RAB3B: variants seen among roughly 807,000 people sequenced by gnomAD.
RAB3B encodes RAB3B, member RAS oncogene family, also known as ras-related protein Rab-3B.
A neutral mutation model predicts 20.5 loss-of-function variants in RAB3B; 11 were observed. That is an observed-to-expected ratio of 0.54 (90% confidence interval 0.34 to 0.89). The LOEUF is 0.89. RAB3B is among the 40% of genes least tolerant of loss of function. RAB3B has a pLI of 0.02. For missense variants in RAB3B, 225 were observed against 280.9 expected (o/e 0.80, Z 1.42); for synonymous variants, 99 against 106.3 (o/e 0.93, Z 0.42).
intron 4 of RAB3B, among the ~76,000 whole-genome samples, chr1:51,931,292 A>C (rs1409065118): frequency 1.3e-5 from 2 of 151,954 alleles, no homozygotes; most frequent in Non-Finnish European, 2.9e-5. Context: ...ACTTATCTTC[A>C]AGACTCCACT....
chr1:51,950,561 A>C (rs1684624501), intron 2 of RAB3B, among the ~76,000 whole-genome samples: 1 of 150,630 alleles, frequency 6.6e-6, no homozygotes, highest in Admixed American at 6.7e-5. Context: ...GAGCTCATAC[A>C]TATCACCTCC....
At chr1:51,939,715 C>G (rs922382885) in intron 2 of RAB3B, among the ~76,000 whole-genome samples, 1 of 152,202 alleles carries the variant, frequency 6.6e-6, no homozygotes. Flanking sequence ...ACTGGGACCA[C>G]AGGCATGTGC....
intron 1 of RAB3B, among the ~76,000 whole-genome samples, chr1:51,985,972 G>A (rs1198441088): frequency 6.6e-6 from 1 of 152,040 alleles, no homozygotes; most frequent in Non-Finnish European, 1.5e-5. Flanking sequence ...GGTTTGACGG[G>A]ATTAAGGAAA....
At chr1:51,963,827 C>A (rs1684813617) in intron 2 of RAB3B, among the ~76,000 whole-genome samples, 1 of 152,206 alleles carries the variant, frequency 6.6e-6, no homozygotes, top group Non-Finnish European at 1.5e-5. Flanking sequence ...CAAGGACTCA[C>A]CCTCTGCATG....
chr1:51,950,535 T>C (rs931681091), intron 2 of RAB3B, among the ~76,000 whole-genome samples: 13 of 152,244 alleles, frequency 8.5e-5, no homozygotes, highest in Admixed American at 8.5e-4. Context: ...TCAGGATTGG[T>C]TGGAATAGGG....
chr1:51,973,952 T>C (rs1448524769), intron 2 of RAB3B, among the ~76,000 whole-genome samples: 1 of 152,226 alleles, frequency 6.6e-6, no homozygotes, highest in Non-Finnish European at 1.5e-5. Flanking sequence ...AAATATCTTA[T>C]GTTCAAAGAT....
chr1:51,972,789 T>C (rs1684955971), intron 2 of RAB3B, among the ~76,000 whole-genome samples: 2 of 152,162 alleles, frequency 1.3e-5, no homozygotes, highest in Admixed American at 1.3e-4. Context: ...CTCCAGACTG[T>C]GAGAAAATTA....
intron 2 of RAB3B, among the ~76,000 whole-genome samples, chr1:51,967,710 G>C (rs1684876467): frequency 6.6e-6 from 1 of 150,864 alleles, no homozygotes; most frequent in African/African-American, 2.4e-5. Flanking sequence ...TTTTTGTAGA[G>C]ACAAGGTCTC....
At chr1:51,934,803 T>C (rs1684375252) in intron 3 of RAB3B, among the ~76,000 whole-genome samples, 1 of 151,608 alleles carries the variant, frequency 6.6e-6, no homozygotes, top group Non-Finnish European at 1.5e-5. Context: ...AAAAAACCTT[T>C]TCAAATTTCT....
At chr1:51,934,320 T>G (rs1196882106) in intron 3 of RAB3B, among the ~76,000 whole-genome samples, 27 of 152,268 alleles carry the variant, frequency 1.8e-4, no homozygotes, top group African/African-American at 6.3e-4. Context: ...CACAACACCT[T>G]GAGGGGAGCC....
At chr1:51,974,839 AC>A (rs1479145833) in intron 2 of RAB3B, among the ~76,000 whole-genome samples, 2 of 152,260 alleles carry the variant, frequency 1.3e-5, no homozygotes, top group African/African-American at 4.8e-5. Flanking sequence ...AAAGAAAAGT[AC>A]TACATACAGA....
intron 2 of RAB3B, among the ~76,000 whole-genome samples, chr1:51,971,244 A>G (rs1684929461): frequency 6.6e-6 from 1 of 151,876 alleles, no homozygotes; most frequent in Non-Finnish European, 1.5e-5. Flanking sequence ...CCAAAAAAAA[A>G]AAAATCACAA....
Position 51,920,096 on chromosome 1 carries a change from G to A in RAB3B, c.491C>T (p.Ala164Val). The A allele has an allele frequency of 6.2e-7, 1 of 1,609,858 alleles. No individual in the cohort carries two copies. The highest frequency in any genetic ancestry group is 8.5e-7 in the Non-Finnish European group (1 of 1,177,104). Residue 164 changes from alanine (A) to valine (V), a missense_variant, in exon 5 of 5, where the codon GCC becomes GTC. By Grantham distance (64) the Ala-to-Val change is moderately conservative (BLOSUM62 0). Coordinates refer to ENST00000371655, the MANE Select transcript of RAB3B (RefSeq NM_002867.4). ...TACACTGATGTTCTCCTTTGCACTG[G>A]CTTCAAAGAAATCAAACCCTGGAAA... is the stretch of plus-strand genomic sequence containing the variant. ...AEQLGFDFFE[A>V]SAKENISVRQ...
intron 1 of RAB3B, among the ~76,000 whole-genome samples, chr1:51,979,825 C>T (rs1379352961): frequency 7.2e-5 from 11 of 151,954 alleles, no homozygotes; most frequent in South Asian, 4.2e-4. Context: ...AGGCAGATCA[C>T]GAGGTCAGGA....
At chr1:51,933,230 A>G in intron 4 of RAB3B, 88 bp downstream of exon 4, 3 of 1,401,054 alleles carry the variant, frequency 2.1e-6, no homozygotes, top group South Asian at 1.3e-5. Flanking sequence ...TAATGTCATA[A>G]ATACAAACAC....
Position 51,919,756 on chromosome 1 carries a change from A to G in RAB3B, c.*171T>C. 1 of 596,286 alleles carries G rather than the reference A, an allele frequency of 1.7e-6. No homozygotes were observed. Among genetic ancestry groups the G allele is most frequent in the Non-Finnish European group, 2.9e-6 (1 of 344,180 alleles). The allele number at this position is 596,286 out of a possible 1,614,324, so 36.9% of individuals were successfully genotyped here. A position where few individuals can be genotyped will look rare whatever the true frequency, so the allele number is the denominator to read the frequency against. On this transcript the variant is annotated 3_prime_UTR_variant, in exon 5 of 5. Transcript: ENST00000371655. ...CTAGTGCTGAGTATCTATTACTGGG[A>G]CCATCTGCAGAGAACCCCAGGGGCA...
rs77664152 is a variant in RAB3B, at chr1:51,937,996, C to CTT, written c.229-586_229-585dup. 1.8e-3 allele frequency among the ~76,000 whole-genome samples: 158 copies of CTT among 88,698 alleles called. 2 individuals carry two copies. The highest frequency in any genetic ancestry group is 0.014 in the South Asian group (35 of 2,458). The allele number at this position is 88,698 out of a possible 152,430, so 58.2% of individuals were successfully genotyped here. A position where few individuals can be genotyped will look rare whatever the true frequency, so the allele number is the denominator to read the frequency against. On this transcript the variant is annotated intron_variant, in intron 2 of 4. Transcript: ENST00000371655. ...AAAAGTTTTAACCTTATTTTTGTTT[C>CTT]TTTTTTTTTTTTTTTTTTTTTTTTA...
At chr1:51,982,753 AAAT>A (rs540518500) in intron 1 of RAB3B, among the ~76,000 whole-genome samples, 3 of 151,500 alleles carry the variant, frequency 2.0e-5, no homozygotes, top group Non-Finnish European at 2.9e-5. Flanking sequence ...AATCTCAAAA[AAAT>A]AATAATAATA....
At position 51,916,298 on chromosome 1, in the gene RAB3B, C is replaced by T. The variant is rs1166949645; in HGVS notation, c.*3629G>A. The T allele has an allele frequency of 6.6e-6, 1 of 152,200 alleles. No individual in the cohort carries two copies. Among genetic ancestry groups the T allele is most frequent in the Non-Finnish European group, 1.5e-5 (1 of 68,030 alleles). The allele number at this position is 152,200 out of a possible 1,614,324, so 9.4% of individuals were successfully genotyped here. A position where few individuals can be genotyped will look rare whatever the true frequency, so the allele number is the denominator to read the frequency against. The stretch of plus-strand genomic sequence containing the variant: ...CATCTATTGTGAAGATGCTTGTTCC[C>T]TTGAACTGGCTCCTGAGTTTTACAG... On this transcript the variant is annotated 3_prime_UTR_variant, in exon 5 of 5. Coordinates refer to ENST00000371655, the MANE Select transcript of RAB3B (RefSeq NM_002867.4).
Sources: gnomAD v4.1 joint callset for allele counts (sites outside exome capture counted in the v4.1 genomes callset) on GRCh38, gnomAD v4.1.1 for gene constraint, MANE v1.5 for transcripts, NCBI Gene and HGNC (gene_info 2026-07-23, HGNC 2026-07-21) for gene names.